Variants in KIF5C observed in about 807,000 individuals in gnomAD.
KIF5C encodes the protein kinesin family member 5C, also known as kinesin heavy chain isoform 5C.
In KIF5C, 18 loss-of-function variants were observed where a neutral mutation model predicts 125.2. That is an observed-to-expected ratio of 0.14 (90% CI 0.10 to 0.21). KIF5C has a LOEUF of 0.21. Among genes scored for constraint, KIF5C ranks in the 10% least tolerant of loss-of-function variants. The pLI, the probability that KIF5C is intolerant of heterozygous loss-of-function variation, is 1.00. For missense variants in KIF5C, 780 were observed against 1,183.8 expected, an observed-to-expected ratio of 0.66 and a Z score of 5.01; for synonymous variants, 405 against 434.0, an observed-to-expected ratio of 0.93 and a Z score of 0.83.
At position 149,025,307 on chromosome 2, in the gene KIF5C, T is replaced by C. The variant is rs967961955; in HGVS notation, c.*2237T>C. 3.3e-5 allele frequency: 5 copies of C among 152,808 alleles called. No individual in the cohort carries two copies. The highest frequency in any genetic ancestry group is 1.2e-4 in the African/African-American group (5 of 41,604). The allele number at this position is 152,808 out of a possible 1,614,324, so 9.5% of individuals were successfully genotyped here. ...TTGCTGATCAGCCAGTCAGTTCACC[T>C]AGCTTCAATCTTTATAGGACTTCTA... On this transcript the variant is annotated 3_prime_UTR_variant, in exon 26 of 26. Coordinates refer to ENST00000435030, the MANE Select transcript of KIF5C (RefSeq NM_004522.3).
chr2:148,894,061 G>A (rs1472760976), intron 1 of KIF5C, among the ~76,000 whole-genome samples: 3 of 152,178 alleles, frequency 2.0e-5, no homozygotes, highest in Non-Finnish European at 4.4e-5. Context: ...CCACTGACAA[G>A]TGATTGAATA....
In KIF5C at chr2:148,950,471, G is replaced by A; in HGVS notation, c.968+9G>A. The A allele has an allele frequency of 1.2e-6, 2 of 1,611,324 alleles. No individual in the cohort carries two copies. The highest frequency in any genetic ancestry group is 1.7e-6 in the Non-Finnish European group (2 of 1,178,616). On this transcript the variant is annotated intron_variant, in intron 10 of 25. Transcript: ENST00000435030. ...CTGATGTTCGGACAGAGGTACGTGTGGTCTCTCAGGACCCATCCTCTGTGC... is the reference window on the plus strand; with the variant it reads ...CTGATGTTCGGACAGAGGTACGTGTAGTCTCTCAGGACCCATCCTCTGTGC...
At chr2:148,936,134 C>A (rs899709608) in intron 3 of KIF5C, among the ~76,000 whole-genome samples, 1 of 152,044 alleles carries the variant, frequency 6.6e-6, no homozygotes, top group Non-Finnish European at 1.5e-5. Flanking sequence ...ACAAAAAATA[C>A]AAAAAATTAG....
At chr2:148,905,909 C>T (rs1478879388) in intron 1 of KIF5C, among the ~76,000 whole-genome samples, 1 of 152,164 alleles carries the variant, frequency 6.6e-6, no homozygotes, top group Non-Finnish European at 1.5e-5. Context: ...CAGGGAAACT[C>T]CTCTCTGTAA....
At chr2:148,953,450 C>G (rs1486101596) in intron 10 of KIF5C, among the ~76,000 whole-genome samples, 1 of 152,198 alleles carries the variant, frequency 6.6e-6, no homozygotes, top group African/African-American at 2.4e-5. Context: ...GGGGCCAATA[C>G]CTGCTGTATT....
intron 19 of KIF5C, among the ~76,000 whole-genome samples, chr2:148,999,657 A>C (rs6746558): frequency 0.016 from 2,414 of 152,224 alleles, 61 homozygotes; most frequent in African/African-American, 0.055. Context: ...CACAGATTCG[A>C]CTGGAAGGGA....
intron 8 of KIF5C, 173 bp downstream of exon 8, chr2:148,947,196 G>T: frequency 9.9e-7 from 1 of 1,013,958 alleles, no homozygotes; most frequent in South Asian, 1.9e-5. Context: ...TTCTTTTCTG[G>T]TCCTGAGGTC....
chr2:148,933,210 G>T, intron 3 of KIF5C, among the ~76,000 whole-genome samples: 1 of 151,910 alleles, frequency 6.6e-6, no homozygotes, highest in African/African-American at 2.4e-5. Context: ...TCAAGATTTG[G>T]TGTCCCTCAA....
intron 13 of KIF5C, among the ~76,000 whole-genome samples, chr2:148,980,230 A>ATC (rs1204746077): frequency 2.6e-5 from 4 of 151,976 alleles, no homozygotes; most frequent in Non-Finnish European, 4.4e-5. Context: ...TATTTCGTTG[A>ATC]TCTCTCTCTC....
intron 4 of KIF5C, among the ~76,000 whole-genome samples, chr2:148,937,833 A>G (rs904066108): frequency 6.6e-6 from 1 of 152,236 alleles, no homozygotes; most frequent in Non-Finnish European, 1.5e-5. Context: ...AGGTTTCAAT[A>G]TGCTCTGCAA....
chr2:148,913,795 A>G (rs1342719159), intron 1 of KIF5C, among the ~76,000 whole-genome samples: 2 of 152,162 alleles, frequency 1.3e-5, no homozygotes, highest in East Asian at 3.9e-4. Context: ...GTTATCTTCC[A>G]TTTGGCGCAA....
At chr2:148,986,161 T>A (rs1681376827) in intron 15 of KIF5C, among the ~76,000 whole-genome samples, 1 of 152,184 alleles carries the variant, frequency 6.6e-6, no homozygotes, top group Non-Finnish European at 1.5e-5. Context: ...AAAATAGAGC[T>A]GATGAAAATG....
chr2:148,899,754 A>G (rs1680823997), intron 1 of KIF5C, among the ~76,000 whole-genome samples: 1 of 151,488 alleles, frequency 6.6e-6, no homozygotes, highest in Non-Finnish European at 1.5e-5. Context: ...ACTACTCCTC[A>G]GTTACCAACA....
intron 24 of KIF5C, 55 bp from the exon 25 acceptor site, chr2:149,011,515 C>G: frequency 6.2e-7 from 1 of 1,604,470 alleles, no homozygotes; most frequent in Non-Finnish European, 8.5e-7. Flanking sequence ...ATCAGGGTTG[C>G]TGTTAAGACT....
At chr2:148,979,365 C>T (rs1681169792) in intron 13 of KIF5C, among the ~76,000 whole-genome samples, 1 of 152,174 alleles carries the variant, frequency 6.6e-6, no homozygotes, top group Non-Finnish European at 1.5e-5. Context: ...TCACTGCAAC[C>T]TCCAGAGCTC....
At chr2:148,902,148 CCT>C (rs1277856679) in intron 1 of KIF5C, among the ~76,000 whole-genome samples, 7 of 152,074 alleles carry the variant, frequency 4.6e-5, no homozygotes, top group Non-Finnish European at 8.8e-5. Flanking sequence ...GTTAATGCCC[CCT>C]GTCTGTGCAG....
chr2:149,007,920 G>T (rs1682060272), intron 22 of KIF5C, 43 bp from the exon 23 acceptor site: 12 of 1,492,072 alleles, frequency 8.0e-6, no homozygotes, highest in Non-Finnish European at 1.0e-5. Flanking sequence ...CGGAGGGTGG[G>T]TGGGTGACAG....
chr2:148,920,460 G>C (rs1181808111), intron 1 of KIF5C, among the ~76,000 whole-genome samples: 1 of 152,188 alleles, frequency 6.6e-6, no homozygotes, highest in Non-Finnish European at 1.5e-5. Context: ...CCAAATCCTT[G>C]ATTCACTAAC....
chr2:148,890,596 T>C (rs1681681551), intron 1 of KIF5C, among the ~76,000 whole-genome samples: 2 of 152,024 alleles, frequency 1.3e-5, no homozygotes, highest in Non-Finnish European at 2.9e-5. Flanking sequence ...GAGAGCAAGG[T>C]TGCTAGAAAG....
Sources: gnomAD v4.1 joint callset for allele counts (sites outside exome capture counted in the v4.1 genomes callset) on GRCh38, gnomAD v4.1.1 for gene constraint, MANE v1.5 for transcripts, NCBI Gene and HGNC (gene_info 2026-07-23, HGNC 2026-07-21) for gene names.